Variants in CFAP299 observed in about 807,000 individuals in gnomAD.
CFAP299 encodes the protein cilia and flagella associated protein 299.
A neutral mutation model predicts 27.0 loss-of-function variants in CFAP299; 21 were observed. The observed-to-expected ratio is 0.78, with a 90% CI of 0.55 to 1.12. The LOEUF (loss-of-function observed/expected upper bound fraction) is 1.12, where lower values mean the gene tolerates loss of function less well. Ranked by LOEUF, CFAP299 falls within the 50% of genes most tolerant of loss-of-function variation. The probability of loss-of-function intolerance (pLI) is 0.00; values close to 1 mark genes in which losing one functional copy is unlikely to be tolerated. For missense variants in CFAP299, 310 were observed against 276.6 expected, an observed-to-expected ratio of 1.12 and a Z score of -0.86; for synonymous variants, 104 against 98.1, an observed-to-expected ratio of 1.06 and a Z score of -0.36.
chr4:80,537,758 T>C (rs766279037), intron 2 of CFAP299, among the ~76,000 whole-genome samples: 2 of 152,020 alleles, frequency 1.3e-5, no homozygotes, highest in Non-Finnish European at 2.9e-5. Flanking sequence ...ATCCATTGTA[T>C]AGCATGGTGA....
In CFAP299 at chr4:80,678,089, G is replaced by A. The variant is rs922045868; in HGVS notation, c.333+94906G>A. Among the ~76,000 whole-genome samples the A allele has an allele frequency of 3.3e-5, 5 of 151,846 alleles. No homozygotes were observed. The East Asian group carries it at 5.8e-4, about 18-fold the overall frequency. On this transcript the variant is annotated intron_variant, in intron 3 of 5. Transcript: ENST00000358105. ...ATCTAGTTGTAATACATTAGTAGATGGTCTATTTTGGGTATTTAACCCTTG... is the reference window on the plus strand; with the variant it reads ...ATCTAGTTGTAATACATTAGTAGATAGTCTATTTTGGGTATTTAACCCTTG...
At chr4:80,750,307 ACTT>A (rs1250331277) in intron 3 of CFAP299, among the ~76,000 whole-genome samples, 1 of 152,120 alleles carries the variant, frequency 6.6e-6, no homozygotes, top group Non-Finnish European at 1.5e-5. Flanking sequence ...TAAATAAGAA[ACTT>A]CTACTTTTAA....
At chr4:80,949,583 A>G (rs1160741153) in intron 5 of CFAP299, among the ~76,000 whole-genome samples, 1 of 152,106 alleles carries the variant, frequency 6.6e-6, no homozygotes, top group Non-Finnish European at 1.5e-5. Context: ...AAAAAAAACA[A>G]AAAACAGAAA....
chr4:80,703,486 G>C (rs1721638123), intron 3 of CFAP299, among the ~76,000 whole-genome samples: 1 of 151,656 alleles, frequency 6.6e-6, no homozygotes, highest in Non-Finnish European at 1.5e-5. Flanking sequence ...AGACAAGATG[G>C]AGCCAAAGAC....
At chr4:80,782,535 T>A (rs548482017) in intron 3 of CFAP299, among the ~76,000 whole-genome samples, 76 of 145,936 alleles carry the variant, frequency 5.2e-4, no homozygotes, top group African/African-American at 1.7e-3. Flanking sequence ...ATAATATACA[T>A]ATATGAATAT....
intron 3 of CFAP299, among the ~76,000 whole-genome samples, chr4:80,850,982 A>C (rs1266059788): frequency 6.6e-6 from 1 of 152,170 alleles, no homozygotes; most frequent in Admixed American, 6.6e-5. Context: ...TTGATAGTGT[A>C]GATATTTGTT....
At chr4:80,379,653 T>A (rs1384285770) in intron 2 of CFAP299, among the ~76,000 whole-genome samples, 1 of 152,078 alleles carries the variant, frequency 6.6e-6, no homozygotes. Context: ...TAATTTCCTT[T>A]ATAACTCTTG....
intron 3 of CFAP299, among the ~76,000 whole-genome samples, chr4:80,622,564 T>G (rs1484854116): frequency 1.3e-5 from 2 of 152,158 alleles, no homozygotes; most frequent in African/African-American, 4.8e-5. Context: ...CTGGCCTTTA[T>G]AATTTTTTAT....
At chr4:80,409,872 G>C (rs1994982) in intron 2 of CFAP299, among the ~76,000 whole-genome samples, 28,880 of 152,132 alleles carry the variant, frequency 0.19, 2,914 homozygotes, top group South Asian at 0.29. Context: ...TATCAAGAGA[G>C]GGATACAGAA....
At chr4:80,372,303 G>T (rs1724184660) in intron 2 of CFAP299, among the ~76,000 whole-genome samples, 1 of 152,152 alleles carries the variant, frequency 6.6e-6, no homozygotes, top group South Asian at 2.1e-4. Context: ...CCTCCCAACA[G>T]GCCTCACCTC....
At chr4:80,388,914 T>C (rs1725179036) in intron 2 of CFAP299, among the ~76,000 whole-genome samples, 1 of 152,200 alleles carries the variant, frequency 6.6e-6, no homozygotes. Context: ...GTATTAATAG[T>C]GTACCTTCCT....
intron 3 of CFAP299, among the ~76,000 whole-genome samples, chr4:80,643,020 G>T (rs1188638488): frequency 6.6e-6 from 1 of 152,034 alleles, no homozygotes; most frequent in Non-Finnish European, 1.5e-5. Context: ...TGTAGGGCCG[G>T]GTGTGGTGAC....
intron 4 of CFAP299, among the ~76,000 whole-genome samples, chr4:80,891,830 G>GA (rs35425830): frequency 0.56 from 30,341 of 53,792 alleles, 9,831 homozygotes; most frequent in Non-Finnish European, 0.74. Flanking sequence ...TAGATTAAAG[G>GA]AAAAAAAAAA....
At chr4:80,495,166 A>C (rs529847964) in intron 2 of CFAP299, among the ~76,000 whole-genome samples, 1 of 152,300 alleles carries the variant, frequency 6.6e-6, no homozygotes, top group East Asian at 1.9e-4. Flanking sequence ...CACAATGCTA[A>C]AATATAGTAT....
intron 3 of CFAP299, among the ~76,000 whole-genome samples, chr4:80,668,751 G>T (rs2109989857): frequency 6.6e-6 from 1 of 152,178 alleles, no homozygotes; most frequent in African/African-American, 2.4e-5. Flanking sequence ...CTCCAGCTTT[G>T]TTCTTTTTGC....
chr4:80,944,791 T>C lies in CFAP299; in HGVS notation c.477-19T>C. 1 of 1,561,400 alleles carries C rather than the reference T, an allele frequency of 6.4e-7. No individual in the cohort carries two copies. The highest frequency in any genetic ancestry group is 2.3e-5 in the East Asian group (1 of 44,018). Reference sequence around the variant, plus strand: ...ATGCATTATACATCTTAATTCCTAATAAATGTTTATTTTTATAGCTTTTAC... The same window carrying C: ...ATGCATTATACATCTTAATTCCTAACAAATGTTTATTTTTATAGCTTTTAC... On this transcript the variant is annotated intron_variant, in intron 4 of 5. Coordinates refer to ENST00000358105, the MANE Select transcript of CFAP299 (RefSeq NM_152770.3).
chr4:80,798,922 G>A lies in CFAP299; in HGVS notation c.334-71071G>A, dbSNP rs558228722. Among the ~76,000 whole-genome samples the A allele has an allele frequency of 3.9e-3, 589 of 151,226 alleles. 1 individual carries two copies. The highest frequency in any genetic ancestry group is 0.013 in the African/African-American group (551 of 41,226). ...ATTATCAGTGTTCTCCATACTATTGGAAGTAGAGTTCTTAGCATTTTTGGG... is the reference window on the plus strand; with the variant it reads ...ATTATCAGTGTTCTCCATACTATTGAAAGTAGAGTTCTTAGCATTTTTGGG... On this transcript the variant is annotated intron_variant, in intron 3 of 5. Coordinates refer to ENST00000358105, the MANE Select transcript of CFAP299 (RefSeq NM_152770.3).
intron 2 of CFAP299, among the ~76,000 whole-genome samples, chr4:80,563,713 G>A (rs1318758326): frequency 3.3e-5 from 5 of 151,620 alleles, no homozygotes; most frequent in Non-Finnish European, 1.5e-5. Context: ...CAGAAATAAA[G>A]GAAATTGAAA....
chr4:80,586,185 T>C (rs2109877116), intron 3 of CFAP299, among the ~76,000 whole-genome samples: 1 of 152,230 alleles, frequency 6.6e-6, no homozygotes, highest in African/African-American at 2.4e-5. Flanking sequence ...AACCTCATCT[T>C]AATATTTATT....
Sources: gnomAD v4.1 joint callset for allele counts (sites outside exome capture counted in the v4.1 genomes callset) on GRCh38, gnomAD v4.1.1 for gene constraint, MANE v1.5 for transcripts, NCBI Gene and HGNC (gene_info 2026-07-23, HGNC 2026-07-21) for gene names.